Variants in KCNQ1 observed in about 807,000 individuals in gnomAD.
KCNQ1 encodes the protein potassium voltage-gated channel subfamily KQT member 1.
A neutral mutation model predicts 72.4 loss-of-function variants in KCNQ1; 49 were observed. The observed-to-expected ratio is 0.68, with a 90% CI of 0.54 to 0.86. KCNQ1 has a LOEUF of 0.86. Among genes scored for constraint, KCNQ1 ranks in the 40% least tolerant of loss-of-function variants. The probability of loss-of-function intolerance (pLI) is 0.00; values close to 1 mark genes in which losing one functional copy is unlikely to be tolerated. For missense variants in KCNQ1, 790 were observed against 945.1 expected, an observed-to-expected ratio of 0.84 and a Z score of 2.15; for synonymous variants, 450 against 412.6, an observed-to-expected ratio of 1.09 and a Z score of -1.10.
At position 2,764,781 on chromosome 11, in the gene KCNQ1, A is replaced by C. The variant is rs1485349444; in HGVS notation, c.1515-4063A>C. On this transcript the variant is annotated intron_variant, in intron 11 of 15. Transcript: ENST00000155840. This position sits in a 1 kb window ranked among gnomAD's most constrained non-coding sequence, Gnocchi z 4.8. Reference sequence around the variant, plus strand: ...TGTATATTTTATCTAAATCATCAAAAGTATTTTTGTTTGTAATGTCCTCTG... The same window carrying C: ...TGTATATTTTATCTAAATCATCAAACGTATTTTTGTTTGTAATGTCCTCTG... Among the ~76,000 whole-genome samples, 1 of 152,138 alleles carries C rather than the reference A, an allele frequency of 6.6e-6. No individual in the cohort carries two copies. The highest frequency in any genetic ancestry group is 2.4e-5 in the African/African-American group (1 of 41,434).
At chr11:2,798,029 T>G (rs78013) in intron 15 of KCNQ1, among the ~76,000 whole-genome samples, 52,684 of 152,074 alleles carry the variant, frequency 0.35, 9,419 homozygotes, top group Middle Eastern at 0.49. Context: ...GGGGACCCAA[T>G]TGCACAGCCA....
rs949886272 is a variant in KCNQ1, at chr11:2,603,835, C to A, written c.1393+14981C>A. On this transcript the variant is annotated intron_variant, in intron 10 of 15. Transcript: ENST00000155840. The surrounding 1 kb of genome is among the most constrained non-coding windows in gnomAD (Gnocchi z 4.1). ...CCTCCCAAGTAGGTGGGATTACGGG[C>A]ACGCACCACCAAGCCCGGCTAATTT... is the stretch of plus-strand genomic sequence containing the variant. Among the ~76,000 whole-genome samples, 1 of 151,992 alleles carries A rather than the reference C, an allele frequency of 6.6e-6. No individual in the cohort carries two copies. Among genetic ancestry groups the A allele is most frequent in the Non-Finnish European group, 1.5e-5 (1 of 68,004 alleles).
At chr11:2,454,428 C>A (rs1846156954) in intron 1 of KCNQ1, among the ~76,000 whole-genome samples, 1 of 152,088 alleles carries the variant, frequency 6.6e-6, no homozygotes, top group African/African-American at 2.4e-5. Context: ...AAAATGTGTG[C>A]TGAATTAGTG....
chr11:2,768,699 TA>T lies in KCNQ1; in HGVS notation c.1515-143del. 1.4e-6 allele frequency: 1 copy of T among 728,060 alleles called. No homozygotes were observed. The highest frequency in any genetic ancestry group is 2.5e-6 in the Non-Finnish European group (1 of 399,348). 45.1% of individuals were successfully genotyped at this position (728,060 alleles called of 1,614,324 possible). A position where few individuals can be genotyped will look rare whatever the true frequency, so the allele number is the denominator to read the frequency against. Reference sequence around the variant, plus strand: ...CTCGAGCCCACACTGGGACATGGCCTAAGTATCTCCATCCCATGGAGTTGAA... The same window carrying T: ...CTCGAGCCCACACTGGGACATGGCCTAGTATCTCCATCCCATGGAGTTGAA... On this transcript the variant is annotated intron_variant, in intron 11 of 15. Coordinates refer to ENST00000155840, the MANE Select transcript of KCNQ1 (RefSeq NM_000218.3). This position sits in a 1 kb window ranked among gnomAD's most constrained non-coding sequence, Gnocchi z 6.7.
chr11:2,680,191 C>T (rs1590027779), intron 11 of KCNQ1: 1 of 391,592 alleles, frequency 2.6e-6, no homozygotes, highest in Non-Finnish European at 4.4e-6. Flanking sequence ...TGCACCTGGC[C>T]TCAGCTTGCC....
At position 2,714,326 on chromosome 11, in the gene KCNQ1, C is replaced by T. The variant is rs542682092; in HGVS notation, c.1514+52245C>T. Among the ~76,000 whole-genome samples, 21 of 152,330 alleles carry T rather than the reference C, an allele frequency of 1.4e-4. 1 individual carries two copies. In the South Asian group the frequency reaches 3.3e-3, roughly 24 times the overall value. ...CCCCTCCCAGGCCCGTGAGAGGCAG[C>T]AGGCACTATGGGCGAGCTGCCTGCT... On this transcript the variant is annotated intron_variant, in intron 11 of 15. Transcript: ENST00000155840.
At chr11:2,591,653 G>T (rs536390810) in intron 10 of KCNQ1, among the ~76,000 whole-genome samples, 1 of 152,262 alleles carries the variant, frequency 6.6e-6, no homozygotes, top group Non-Finnish European at 1.5e-5. Context: ...AATCGATGCC[G>T]TCCATTCAGC....
chr11:2,752,836 T>G lies in KCNQ1; in HGVS notation c.1515-16008T>G, dbSNP rs1212370034. On this transcript the variant is annotated intron_variant, in intron 11 of 15. Transcript: ENST00000155840. This position sits in a 1 kb window ranked among gnomAD's most constrained non-coding sequence, Gnocchi z 5.2. ...AACAGAGGAAACTGGTTCCTTTCTTTCGGTTCTGGGTTATGTCAAAATGAG... is the reference window on the plus strand; with the variant it reads ...AACAGAGGAAACTGGTTCCTTTCTTGCGGTTCTGGGTTATGTCAAAATGAG... Among the ~76,000 whole-genome samples, 1 of 152,132 alleles carries G rather than the reference T, an allele frequency of 6.6e-6. No homozygotes were observed. Among genetic ancestry groups the G allele is most frequent in the African/African-American group, 2.4e-5 (1 of 41,434 alleles).
rs1441772775 is a variant in KCNQ1 at position 2,562,064 on chromosome 11, A to G, written c.478-8564A>G. Among the ~76,000 whole-genome samples the G allele has an allele frequency of 2.0e-5, 3 of 152,140 alleles. No individual in the cohort carries two copies. The highest frequency in any genetic ancestry group is 7.2e-5 in the African/African-American group (3 of 41,432). On this transcript the variant is annotated intron_variant, in intron 2 of 15. Transcript: ENST00000155840. The surrounding 1 kb of genome is among the most constrained non-coding windows in gnomAD (Gnocchi z 7.5). ...GGCAGGGCAGGGTCATGTCCCCAGC[A>G]GTAAGGCCAGGACAGGGCAGCCGGA... is the stretch of plus-strand genomic sequence containing the variant.
At chr11:2,819,646 G>T (rs1378353678) in intron 15 of KCNQ1, among the ~76,000 whole-genome samples, 1 of 152,164 alleles carries the variant, frequency 6.6e-6, no homozygotes, top group Middle Eastern at 3.2e-3. Flanking sequence ...GTTTTACCTT[G>T]TCAGATAAGT....
intron 2 of KCNQ1, among the ~76,000 whole-genome samples, chr11:2,554,479 G>C (rs1354057487): frequency 6.6e-6 from 1 of 152,208 alleles, no homozygotes; most frequent in African/African-American, 2.4e-5. Flanking sequence ...GGGCTGTGGG[G>C]TTTGCAGACC....
At position 2,767,168 on chromosome 11, in the gene KCNQ1, ATG is replaced by A. The variant is rs149262552; in HGVS notation, c.1515-1660_1515-1659del. The stretch of plus-strand genomic sequence containing the variant: ...GGCAATAGAGCGAGACTCCATCTAT[ATG>A]TGTGTGTGTGTGTGTATTTTTTTTT... On this transcript the variant is annotated intron_variant, in intron 11 of 15. Transcript: ENST00000155840. The surrounding 1 kb of genome is among the most constrained non-coding windows in gnomAD (Gnocchi z 4.6). 2.0e-5 allele frequency among the ~76,000 whole-genome samples: 3 copies of A among 150,166 alleles called. No homozygotes were observed.
intron 15 of KCNQ1, among the ~76,000 whole-genome samples, chr11:2,842,220 G>A (rs995300907): frequency 3.9e-5 from 6 of 152,302 alleles, no homozygotes; most frequent in Middle Eastern, 6.8e-3. Flanking sequence ...GGGCTGCCAC[G>A]ACGCTCGACT....
chr11:2,833,217 G>A (rs879557454), intron 15 of KCNQ1, among the ~76,000 whole-genome samples: 7 of 152,172 alleles, frequency 4.6e-5, no homozygotes, highest in African/African-American at 1.4e-4. Flanking sequence ...AGGGGCCCAC[G>A]CGCCAGGGCA....
At chr11:2,614,278 T>C (rs1849025451) in intron 10 of KCNQ1, 2 of 398,524 alleles carry the variant, frequency 5.0e-6, no homozygotes, top group African/African-American at 2.1e-5. Context: ...GTTCTCCATG[T>C]TGACATTTAA....
chr11:2,842,056 C>T (rs963848955), intron 15 of KCNQ1, among the ~76,000 whole-genome samples: 1 of 152,172 alleles, frequency 6.6e-6, no homozygotes, highest in Non-Finnish European at 1.5e-5. Flanking sequence ...TCCCCAGCCG[C>T]GGCAGAGCTT....
chr11:2,832,040 C>T (rs2134069654), intron 15 of KCNQ1, among the ~76,000 whole-genome samples: 1 of 152,188 alleles, frequency 6.6e-6, no homozygotes, highest in East Asian at 1.9e-4. Flanking sequence ...GGCAGCCCTG[C>T]AGGTGGACAG....
Position 2,457,193 on chromosome 11 carries a change from T to C in KCNQ1, c.386+11709T>C, listed in dbSNP as rs1846208398. ...GAGAAAGGGGAACACTTACACCCTG[T>C]TGACGGGAGTGTAAATGAGTCCAGC... On this transcript the variant is annotated intron_variant, in intron 1 of 15. Coordinates refer to ENST00000155840, the MANE Select transcript of KCNQ1 (RefSeq NM_000218.3). The surrounding 1 kb of genome is among the most constrained non-coding windows in gnomAD (Gnocchi z 5.0). Among the ~76,000 whole-genome samples the C allele has an allele frequency of 6.6e-6, 1 of 152,156 alleles. No individual in the cohort carries two copies. Among genetic ancestry groups the C allele is most frequent in the Admixed American group, 6.5e-5 (1 of 15,268 alleles).
At chr11:2,625,578 CTTTT>C (rs35148119) in intron 10 of KCNQ1, 24 of 346,098 alleles carry the variant, frequency 6.9e-5, no homozygotes, top group South Asian at 1.6e-4. Context: ...GTCCTTTGCC[CTTTT>C]TTTTTTTTTT....
Sources: gnomAD v4.1 joint callset for allele counts (sites outside exome capture counted in the v4.1 genomes callset) on GRCh38, gnomAD v4.1.1 for gene constraint, Gnocchi (gnomAD v3.1) non-coding constraint, MANE v1.5 for transcripts, NCBI Gene and HGNC (gene_info 2026-07-23, HGNC 2026-07-21) for gene names.